The following OPCML variants were observed in gnomAD, a reference collection of about 807,000 sequenced individuals.
The protein encoded by OPCML is opioid binding protein/cell adhesion molecule like.
A neutral mutation model predicts 37.8 loss-of-function variants in OPCML; 13 were observed. The ratio of observed to expected loss-of-function variants is 0.34; its 90% CI spans 0.22 to 0.55. The LOEUF is 0.55. OPCML is among the 20% of genes least tolerant of loss of function. The probability of loss-of-function intolerance (pLI) is 0.91; values close to 1 mark genes in which losing one functional copy is unlikely to be tolerated. For synonymous variants in OPCML, 176 were observed against 168.8 expected (o/e 1.04, Z -0.33); for missense variants, 341 against 435.6 (o/e 0.78, Z 1.93).
At chr11:132,452,530 AGCCTGCCT>A (rs1240037957) in intron 4 of OPCML, among the ~76,000 whole-genome samples, 1 of 106,082 alleles carries the variant, frequency 9.4e-6, no homozygotes, top group East Asian at 3.1e-4. Context: ...TCCTTCTTTC[AGCCTGCCT>A]GCCTGCCTGC....
At chr11:133,350,978 T>A (rs1196615352) in intron 1 of OPCML, among the ~76,000 whole-genome samples, 1 of 151,714 alleles carries the variant, frequency 6.6e-6, no homozygotes, top group Non-Finnish European at 1.5e-5. Flanking sequence ...GAGGAAGGAG[T>A]GGGGTTTTAA....
chr11:133,329,314 A>G (rs912380766), intron 1 of OPCML, among the ~76,000 whole-genome samples: 5 of 152,330 alleles, frequency 3.3e-5, no homozygotes, highest in African/African-American at 9.6e-5. Context: ...GACTATCTTC[A>G]CAGAATTGGA....
chr11:133,346,205 A>G (rs1234251856), intron 1 of OPCML, among the ~76,000 whole-genome samples: 1 of 152,206 alleles, frequency 6.6e-6, no homozygotes, highest in Non-Finnish European at 1.5e-5. Flanking sequence ...TTAGTTGTCA[A>G]CGTTACCATT....
chr11:133,222,148 G>A (rs1939863159), intron 1 of OPCML, among the ~76,000 whole-genome samples: 3 of 152,180 alleles, frequency 2.0e-5, no homozygotes, highest in Admixed American at 2.0e-4. Context: ...TTGTGGATGG[G>A]CAGGGCTGTA....
At chr11:132,825,902 T>C (rs1484695882) in intron 2 of OPCML, among the ~76,000 whole-genome samples, 1 of 152,218 alleles carries the variant, frequency 6.6e-6, no homozygotes, top group African/African-American at 2.4e-5. Context: ...CTCTTGCTTT[T>C]CCTGCTGATG....
rs184083025 is a variant in OPCML, at chr11:132,439,503, G to A, written c.506-2144C>T. 1.8e-4 allele frequency among the ~76,000 whole-genome samples: 28 copies of A among 152,250 alleles called. No individual in the cohort carries two copies. The East Asian group carries it at 4.8e-3, about 26-fold the overall frequency. On this transcript the variant is annotated intron_variant, in intron 4 of 7. Transcript: ENST00000524381. Reference sequence around the variant, plus strand: ...ACACTAACTCTTCAAGGTGCATTACGGTTATGCAAACACTTTCTTGCCCTA... The same window carrying A: ...ACACTAACTCTTCAAGGTGCATTACAGTTATGCAAACACTTTCTTGCCCTA...
intron 3 of OPCML, among the ~76,000 whole-genome samples, chr11:132,617,394 C>T (rs936834161): frequency 8.5e-5 from 13 of 152,192 alleles, no homozygotes; most frequent in Non-Finnish European, 5.9e-5. Context: ...ACTGAATTGA[C>T]ATTTTCTGTT....
At chr11:132,465,188 G>C (rs566603789) in intron 4 of OPCML, among the ~76,000 whole-genome samples, 21 of 152,174 alleles carry the variant, frequency 1.4e-4, no homozygotes, top group Non-Finnish European at 2.6e-4. Flanking sequence ...ACATTGCCAT[G>C]ATCGTCCTTC....
intron 1 of OPCML, among the ~76,000 whole-genome samples, chr11:133,459,496 A>G (rs982169273): frequency 1.3e-5 from 2 of 152,116 alleles, no homozygotes; most frequent in Non-Finnish European, 2.9e-5. Flanking sequence ...TAGATTTAAT[A>G]TCATCTATAA....
intron 1 of OPCML, among the ~76,000 whole-genome samples, chr11:133,023,408 G>A (rs1226611128): frequency 6.6e-6 from 1 of 152,156 alleles, no homozygotes; most frequent in African/African-American, 2.4e-5. Flanking sequence ...GGGGATGAAA[G>A]GAGTTATAAA....
intron 1 of OPCML, among the ~76,000 whole-genome samples, chr11:133,486,830 C>T (rs1382176205): frequency 6.7e-6 from 1 of 148,268 alleles, no homozygotes. Context: ...CTCTATCTCT[C>T]GCTCTCTCCC....
chr11:133,222,419 C>T (rs575287957), intron 1 of OPCML, among the ~76,000 whole-genome samples: 3 of 152,274 alleles, frequency 2.0e-5, no homozygotes, highest in East Asian at 1.9e-4. Flanking sequence ...GCCAACAGGA[C>T]GAGCTGAGGA....
intron 1 of OPCML, among the ~76,000 whole-genome samples, chr11:133,350,551 A>G (rs1425274445): frequency 6.6e-6 from 1 of 152,140 alleles, no homozygotes; most frequent in Non-Finnish European, 1.5e-5. Context: ...ACCCCCACCA[A>G]AATATGAGCT....
intron 2 of OPCML, among the ~76,000 whole-genome samples, chr11:132,794,116 G>A (rs375663139): frequency 1.3e-5 from 2 of 152,066 alleles, no homozygotes; most frequent in African/African-American, 2.4e-5. Flanking sequence ...TTCCAACCGC[G>A]TGCCCTTGTT....
At chr11:132,958,522 G>T (rs1946017010) in intron 1 of OPCML, among the ~76,000 whole-genome samples, 3 of 152,202 alleles carry the variant, frequency 2.0e-5, no homozygotes, top group Non-Finnish European at 4.4e-5. Flanking sequence ...GCAACCCTGT[G>T]TTGGAAGAAG....
intron 3 of OPCML, among the ~76,000 whole-genome samples, chr11:132,567,314 G>T (rs1430471491): frequency 6.6e-6 from 1 of 152,204 alleles, no homozygotes; most frequent in Non-Finnish European, 1.5e-5. Context: ...TAGAAATGAG[G>T]TTATTGGTCT....
At chr11:133,218,724 T>G (rs1000204485) in intron 1 of OPCML, among the ~76,000 whole-genome samples, 4 of 152,130 alleles carry the variant, frequency 2.6e-5, no homozygotes, top group Admixed American at 1.3e-4. Context: ...TGATTAGGAT[T>G]ATCCCATTTT....
intron 2 of OPCML, among the ~76,000 whole-genome samples, chr11:132,834,373 C>T (rs563880039): frequency 6.6e-6 from 1 of 152,276 alleles, no homozygotes; most frequent in East Asian, 1.9e-4. Flanking sequence ...GAATACTAGG[C>T]GTAAGCTTCT....
chr11:132,573,952 G>T (rs1193540895), intron 3 of OPCML, among the ~76,000 whole-genome samples: 4 of 151,898 alleles, frequency 2.6e-5, no homozygotes, highest in Non-Finnish European at 5.9e-5. Context: ...CTTAGTTGTG[G>T]TACTTTGTAT....
Sources: allele counts gnomAD v4.1 joint callset (sites outside exome capture counted in the v4.1 genomes callset), GRCh38; gene constraint gnomAD v4.1.1; transcripts MANE v1.5; gene names NCBI Gene and HGNC (gene_info 2026-07-23, HGNC 2026-07-21).